TTC8: variants seen among roughly 807,000 people sequenced by gnomAD.
The protein encoded by TTC8 is tetratricopeptide repeat domain 8, also known as tetratricopeptide repeat protein 8.
TTC8 carries 47 observed loss-of-function variants against 72.5 expected under a neutral mutation model. That is an observed-to-expected ratio of 0.65 (90% CI 0.51 to 0.83). The LOEUF (loss-of-function observed/expected upper bound fraction) is 0.83. Ranked by LOEUF, TTC8 falls within the 40% of genes least tolerant of loss-of-function variation. The pLI, the probability that TTC8 is intolerant of heterozygous loss-of-function variation, is 0.00. For missense variants in TTC8, 611 were observed against 623.2 expected (o/e 0.98, Z 0.21); for synonymous variants, 199 against 221.4 (o/e 0.90, Z 0.90).
chr14:88,865,694 A>G (rs1003142011), intron 10 of TTC8, among the ~76,000 whole-genome samples: 3 of 152,018 alleles, frequency 2.0e-5, no homozygotes, highest in African/African-American at 7.2e-5. Context: ...AATAATAATA[A>G]TTTAAAAATC....
At position 88,824,663 on chromosome 14, in the gene TTC8, C is replaced by G. The variant is rs1309108029; in HGVS notation, c.-45C>G. On this transcript the variant is annotated 5_prime_UTR_variant, in exon 1 of 15. Coordinates refer to ENST00000380656, the MANE Select transcript of TTC8 (RefSeq NM_144596.4). ...CCGCCAGCTCTTCACTCCACGCCCA[C>G]CTCTCTCCTGGAGCGCTGGGCCTTC... 1 of 1,501,548 alleles carries G rather than the reference C, an allele frequency of 6.7e-7. No individual in the cohort carries two copies. Among genetic ancestry groups the G allele is most frequent in the South Asian group, 1.2e-5 (1 of 84,142 alleles). 93.0% of individuals were successfully genotyped at this position (1,501,548 alleles called of 1,614,324 possible).
At chr14:88,836,382 A>G (rs142488288) in intron 2 of TTC8, among the ~76,000 whole-genome samples, 77 of 151,426 alleles carry the variant, frequency 5.1e-4, no homozygotes, top group African/African-American at 1.8e-3. Context: ...AGTCCTAGCT[A>G]CTCTGGAACC....
rs1238547215 is a variant in TTC8 at position 88,852,970 on chromosome 14, G to T, written c.625-1G>T. On this transcript the variant is annotated splice_acceptor_variant, in intron 7 of 14. Coordinates refer to ENST00000380656, the MANE Select transcript of TTC8 (RefSeq NM_144596.4). LOFTEE classifies it high-confidence loss of function. ...TAATCTAAAATGAATTGTTTTCAAA[G>T]GCTTTGGATCTGGCTGCCCTCTCCA... is the stretch of plus-strand genomic sequence containing the variant. 1 of 1,612,634 alleles carries T rather than the reference G, an allele frequency of 6.2e-7. No homozygotes were observed. Among genetic ancestry groups the T allele is most frequent in the Non-Finnish European group, 8.5e-7 (1 of 1,178,922 alleles).
intron 2 of TTC8, among the ~76,000 whole-genome samples, chr14:88,835,183 A>G (rs2094744979): frequency 6.6e-6 from 1 of 152,218 alleles, no homozygotes; most frequent in Non-Finnish European, 1.5e-5. Flanking sequence ...TCATAGCCTT[A>G]TTCTAATAAT....
intron 9 of TTC8, among the ~76,000 whole-genome samples, chr14:88,859,896 A>T (rs1469569968): frequency 1.5e-4 from 18 of 117,758 alleles, no homozygotes; most frequent in African/African-American, 9.1e-4. Context: ...TATAATATAT[A>T]ATATAATATA....
intron 10 of TTC8, among the ~76,000 whole-genome samples, chr14:88,866,691 T>G (rs1321349145): frequency 2.0e-5 from 3 of 152,172 alleles, no homozygotes; most frequent in African/African-American, 7.2e-5. Context: ...AGAGAATGTT[T>G]ATAAACACTG....
chr14:88,848,532 A>G (rs559227542), intron 7 of TTC8, among the ~76,000 whole-genome samples: 2 of 152,284 alleles, frequency 1.3e-5, no homozygotes, highest in South Asian at 4.1e-4. Flanking sequence ...AACTTTAGAT[A>G]TAGTGGCAAA....
At chr14:88,831,411 G>C (rs922700235) in intron 1 of TTC8, among the ~76,000 whole-genome samples, 7 of 152,148 alleles carry the variant, frequency 4.6e-5, no homozygotes, top group African/African-American at 1.7e-4. Flanking sequence ...TGGCTACACT[G>C]CCTATGAGTT....
chr14:88,843,451 T>TA (rs2094791545), intron 6 of TTC8, among the ~76,000 whole-genome samples: 1 of 152,212 alleles, frequency 6.6e-6, no homozygotes, highest in Non-Finnish European at 1.5e-5. Context: ...CCAGTTTTTT[T>TA]ATGTCTAAAT....
At chr14:88,843,689 T>C in intron 6 of TTC8, 117 bp from the exon 7 acceptor site, 1 of 655,966 alleles carries the variant, frequency 1.5e-6, no homozygotes, top group South Asian at 2.0e-5. Context: ...AAATGAGTGA[T>C]AGTAACAAAA....
chr14:88,825,194 A>G (rs2094693605), intron 1 of TTC8, among the ~76,000 whole-genome samples: 1 of 152,248 alleles, frequency 6.6e-6, no homozygotes, highest in Non-Finnish European at 1.5e-5. Context: ...TCTAAAAAAT[A>G]TGCATAAACA....
At chr14:88,850,150 A>G (rs1016824390) in intron 7 of TTC8, among the ~76,000 whole-genome samples, 1 of 152,244 alleles carries the variant, frequency 6.6e-6, no homozygotes, top group Non-Finnish European at 1.5e-5. Context: ...ATGATTAAAG[A>G]AATATAGATC....
At chr14:88,857,566 A>AT (rs1386081617) in intron 9 of TTC8, among the ~76,000 whole-genome samples, 1 of 152,154 alleles carries the variant, frequency 6.6e-6, no homozygotes, top group Non-Finnish European at 1.5e-5. Context: ...ACAGGCCCCA[A>AT]TGAGGCCTTA....
At chr14:88,827,369 C>G (rs1295927892) in intron 1 of TTC8, among the ~76,000 whole-genome samples, 7 of 152,144 alleles carry the variant, frequency 4.6e-5, no homozygotes, top group Non-Finnish European at 8.8e-5. Context: ...TAGAGTAGGT[C>G]TAAGAGAATC....
At position 88,872,393 on chromosome 14, in the gene TTC8, C is replaced by G. The variant is rs2094938191; in HGVS notation, c.1288C>G (p.His430Asp). Residue 430 changes from histidine (H) to aspartate (D), a missense_variant, in exon 13 of 15, where the codon CAC (histidine) becomes GAC (aspartate). By Grantham distance (81) the His-to-Asp change is moderately conservative. Coordinates refer to ENST00000380656, the MANE Select transcript of TTC8 (RefSeq NM_144596.4). ...FRLALVNNNN[H>D]AEAYNNLAVL... Reference sequence around the variant, plus strand: ...GCTGGCTCTGGTCAACAACAACAACCACGCCGAGGCCTACAACAACCTGGC... The same window carrying G: ...GCTGGCTCTGGTCAACAACAACAACGACGCCGAGGCCTACAACAACCTGGC... The G allele has an allele frequency of 6.2e-7, 1 of 1,614,008 alleles. No homozygotes were observed. Among genetic ancestry groups the G allele is most frequent in the Non-Finnish European group, 8.5e-7 (1 of 1,179,932 alleles).
At chr14:88,840,491 T>C (rs1398351108) in intron 3 of TTC8, among the ~76,000 whole-genome samples, 1 of 152,210 alleles carries the variant, frequency 6.6e-6, no homozygotes, top group African/African-American at 2.4e-5. Context: ...TTATCTTTTA[T>C]TGGGAGAAGT....
chr14:88,830,032 C>G (rs1185970677), intron 1 of TTC8, among the ~76,000 whole-genome samples: 5 of 152,218 alleles, frequency 3.3e-5, no homozygotes, highest in African/African-American at 1.2e-4. Flanking sequence ...GTCACTAGAT[C>G]TCTCTAACCT....
chr14:88,873,319 T>A lies in TTC8; in HGVS notation c.1347+867T>A, dbSNP rs1011197102. On this transcript the variant is annotated intron_variant, in intron 13 of 14. Coordinates refer to ENST00000380656, the MANE Select transcript of TTC8 (RefSeq NM_144596.4). ...CAGATCTTGCAATGACAAATTTCTG[T>A]CTTGTCATTCAGGTCTTAGATTAAA... Among the ~76,000 whole-genome samples, 4 of 152,206 alleles carry A rather than the reference T, an allele frequency of 2.6e-5. No homozygotes were observed. The South Asian group carries it at 6.2e-4, about 24-fold the overall frequency.
chr14:88,871,375 G>A lies in TTC8; in HGVS notation c.1050-174G>A, dbSNP rs2094933118. 6.6e-6 allele frequency among the ~76,000 whole-genome samples: 1 copy of A among 152,092 alleles called. No homozygotes were observed. The highest frequency in any genetic ancestry group is 2.4e-5 in the African/African-American group (1 of 41,394). ...ACTAGTACCATTATGAAAGAGAGGT[G>A]TTTGTATTTGCTTTAAACATTTTTT... On this transcript the variant is annotated intron_variant, in intron 11 of 14. Coordinates refer to ENST00000380656, the MANE Select transcript of TTC8 (RefSeq NM_144596.4). This position sits in a 1 kb window ranked among gnomAD's most constrained non-coding sequence, Gnocchi z 4.1.
Sources: gnomAD v4.1 joint callset for allele counts (sites outside exome capture counted in the v4.1 genomes callset) on GRCh38, gnomAD v4.1.1 for gene constraint, Gnocchi (gnomAD v3.1) non-coding constraint, MANE v1.5 for transcripts, NCBI Gene and HGNC (gene_info 2026-07-23, HGNC 2026-07-21) for gene names.